Variants in FAM13A observed in about 807,000 individuals in gnomAD.
FAM13A encodes the protein family with sequence similarity 13 member A, also known as protein FAM13A.
FAM13A carries 76 observed loss-of-function variants against 129.6 expected under a neutral mutation model. The observed-to-expected ratio is 0.59, with a 90% CI of 0.49 to 0.71. FAM13A has a LOEUF of 0.71. Ranked by LOEUF, FAM13A falls within the 30% of genes least tolerant of loss-of-function variation. The pLI, the probability that FAM13A is intolerant of heterozygous loss-of-function variation, is 0.00. For synonymous variants in FAM13A, 443 were observed against 449.9 expected, an observed-to-expected ratio of 0.98 and a Z score of 0.20; for missense variants, 1,108 against 1,249.3, an observed-to-expected ratio of 0.89 and a Z score of 1.70.
At chr4:88,967,171 A>C (rs1759465498) in intron 4 of FAM13A, among the ~76,000 whole-genome samples, 1 of 152,262 alleles carries the variant, frequency 6.6e-6, no homozygotes, top group African/African-American at 2.4e-5. Flanking sequence ...AACAATAAAC[A>C]CTGTTACCTG....
At chr4:89,003,551 A>C (rs1487365483) in intron 3 of FAM13A, among the ~76,000 whole-genome samples, 1 of 152,018 alleles carries the variant, frequency 6.6e-6, no homozygotes, top group African/African-American at 2.4e-5. Flanking sequence ...CGGGAGGTGG[A>C]GGTTGCAGTA....
At chr4:88,883,109 GAC>G (rs1335369596) in intron 6 of FAM13A, among the ~76,000 whole-genome samples, 5 of 152,046 alleles carry the variant, frequency 3.3e-5, no homozygotes, top group African/African-American at 1.2e-4. Flanking sequence ...AGGTCATCAA[GAC>G]AGAAAGTTAA....
chr4:88,926,267 G>C (rs1752142542), intron 5 of FAM13A, among the ~76,000 whole-genome samples: 1 of 152,098 alleles, frequency 6.6e-6, no homozygotes, highest in African/African-American at 2.4e-5. Context: ...GGCACTTCCA[G>C]CCCACAGAAG....
intron 5 of FAM13A, among the ~76,000 whole-genome samples, chr4:88,924,575 A>G (rs1159610823): frequency 6.6e-6 from 1 of 152,200 alleles, no homozygotes; most frequent in Non-Finnish European, 1.5e-5. Context: ...AAAGACTTAA[A>G]CTTTAGACCT....
chr4:88,936,109 CTTATA>C (rs1300479580), intron 5 of FAM13A, among the ~76,000 whole-genome samples: 2 of 152,104 alleles, frequency 1.3e-5, no homozygotes, highest in African/African-American at 2.4e-5. Flanking sequence ...AGAATTATGT[CTTATA>C]TTATATTCTC....
chr4:88,979,577 GT>G (rs1241037685), intron 4 of FAM13A, among the ~76,000 whole-genome samples: 1 of 152,044 alleles, frequency 6.6e-6, no homozygotes, highest in Non-Finnish European at 1.5e-5. Flanking sequence ...GCCTCATAGG[GT>G]TTTGAGGATA....
At chr4:89,025,201 T>C (rs1010660622) in intron 2 of FAM13A, among the ~76,000 whole-genome samples, 1 of 150,760 alleles carries the variant, frequency 6.6e-6, no homozygotes, top group African/African-American at 2.4e-5. Flanking sequence ...CACACTTGTA[T>C]GTGCTTCAAA....
intron 21 of FAM13A, among the ~76,000 whole-genome samples, chr4:88,734,156 G>C (rs1738475758): frequency 6.6e-6 from 1 of 152,170 alleles, no homozygotes; most frequent in African/African-American, 2.4e-5. Context: ...TTAAAAATGA[G>C]TCATGAAAAT....
At chr4:88,777,825 T>C (rs547347813) in intron 11 of FAM13A, among the ~76,000 whole-genome samples, 1 of 152,308 alleles carries the variant, frequency 6.6e-6, no homozygotes, top group South Asian at 2.1e-4. Context: ...AACCCTATTC[T>C]TACTAAGATC....
At chr4:89,035,785 T>A (rs1328011639) in intron 1 of FAM13A, among the ~76,000 whole-genome samples, 1 of 152,196 alleles carries the variant, frequency 6.6e-6, no homozygotes. Flanking sequence ...ATGTAAAACA[T>A]GCTTATTTTT....
chr4:88,826,993 C>A (rs1428111869), intron 7 of FAM13A, among the ~76,000 whole-genome samples: 2 of 152,166 alleles, frequency 1.3e-5, no homozygotes, highest in Non-Finnish European at 2.9e-5. Context: ...TTTCCCTCTT[C>A]CTTCCCCACT....
rs117415602 is a variant in FAM13A, at chr4:88,947,272, G to A, written c.606-9031C>T. ...AAAAAATATAAAAACTTAGTCGGGC[G>A]TGGTAGTGTGCACCTGTAGTCCCAG... is the stretch of plus-strand genomic sequence containing the variant. On this transcript the variant is annotated intron_variant, in intron 4 of 23. Coordinates refer to ENST00000264344, the MANE Select transcript of FAM13A (RefSeq NM_014883.4). Among the ~76,000 whole-genome samples the A allele has an allele frequency of 3.2e-4, 48 of 152,226 alleles. No individual in the cohort carries two copies. The East Asian group carries it at 7.4e-3, about 23-fold the overall frequency.
At chr4:88,970,353 C>T (rs1759902146) in intron 4 of FAM13A, among the ~76,000 whole-genome samples, 1 of 151,500 alleles carries the variant, frequency 6.6e-6, no homozygotes, top group African/African-American at 2.4e-5. Context: ...TATACAAGCA[C>T]CAAATCATTA....
intron 7 of FAM13A, among the ~76,000 whole-genome samples, chr4:88,812,891 T>C (rs894165683): frequency 6.6e-6 from 1 of 152,216 alleles, no homozygotes; most frequent in Non-Finnish European, 1.5e-5. Context: ...ACATACTGTT[T>C]ATAATTTGTA....
chr4:88,982,979 T>C (rs1301176555), intron 4 of FAM13A, among the ~76,000 whole-genome samples: 3 of 152,116 alleles, frequency 2.0e-5, no homozygotes, highest in Non-Finnish European at 4.4e-5. Context: ...TTGATGGAAA[T>C]GGGGTAAGGA....
chr4:88,998,557 CTTAA>C (rs1214018218), intron 3 of FAM13A, among the ~76,000 whole-genome samples: 1 of 152,096 alleles, frequency 6.6e-6, no homozygotes, highest in East Asian at 1.9e-4. Context: ...AGGTGGGAAT[CTTAA>C]TTAATTTGTG....
intron 6 of FAM13A, among the ~76,000 whole-genome samples, chr4:88,866,707 G>A (rs1740522679): frequency 6.6e-6 from 1 of 152,048 alleles, no homozygotes. Context: ...AAATATTTAA[G>A]GTTGATAGTG....
intron 3 of FAM13A, among the ~76,000 whole-genome samples, chr4:88,991,689 G>A (rs1314332211): frequency 1.3e-5 from 2 of 152,088 alleles, no homozygotes; most frequent in African/African-American, 4.8e-5. Flanking sequence ...GGACACCATG[G>A]GGGATGCTAA....
intron 3 of FAM13A, among the ~76,000 whole-genome samples, chr4:88,992,273 C>CT (rs112237454): frequency 4.0e-4 from 58 of 146,550 alleles, no homozygotes; most frequent in Admixed American, 1.8e-3. Context: ...TTTTCTTCTT[C>CT]TTTTTTTTTT....
Sources: allele counts gnomAD v4.1 joint callset (sites outside exome capture counted in the v4.1 genomes callset), GRCh38; gene constraint gnomAD v4.1.1; transcripts MANE v1.5; gene names NCBI Gene and HGNC (gene_info 2026-07-23, HGNC 2026-07-21).